Variants in ABCA2 observed in about 807,000 individuals in gnomAD.
ABCA2 encodes ATP-binding cassette sub-family A member 2.
ABCA2 carries 84 observed loss-of-function variants against 262.8 expected under a neutral mutation model. The observed-to-expected ratio is 0.32, with a 90% CI of 0.27 to 0.38. ABCA2 has a LOEUF of 0.38. Ranked by LOEUF, ABCA2 falls within the 10% of genes least tolerant of loss-of-function variation. ABCA2 has a pLI of 1.00. For synonymous variants in ABCA2, 1,696 were observed against 1,502.9 expected (o/e 1.13, Z -2.97); for missense variants, 2,662 against 3,405.9 (o/e 0.78, Z 5.44).
intron 48 of ABCA2, 123 bp from the exon 49 acceptor site, chr9:137,008,087 C>T (rs1055488303): frequency 2.2e-5 from 27 of 1,245,482 alleles, no homozygotes; most frequent in East Asian, 7.5e-5. Flanking sequence ...GGTCTCCCCA[C>T]GAGCTCCCTC....
rs1182436107 is a variant in ABCA2, at chr9:137,015,712, G to A, written c.3477C>T (p.Arg1159=). 1 of 1,610,664 alleles carries A rather than the reference G, an allele frequency of 6.2e-7. No individual in the cohort carries two copies. Among genetic ancestry groups the A allele is most frequent in the African/African-American group, 1.3e-5 (1 of 75,014 alleles). The part of the protein sequence containing the change: ...EPTAGVDPYA[R]RAIWDLILKY... ...TCAGGATGAGGTCCCAGATGGCGCG[G>A]CGCGCGTAGGGGTCCACGCCCGCCG... Residue 1159 remains arginine, a synonymous_variant, in exon 23 of 49, where the codon CGC becomes CGT. Coordinates refer to ENST00000341511, the MANE Select transcript of ABCA2 (RefSeq NM_001606.5).
rs1480475534 is a variant in ABCA2, at chr9:137,015,504, A to G, written c.3607T>C (p.Cys1203Arg). Residue 1203 changes from cysteine to arginine, a missense_variant, in exon 24 of 49, where the codon TGC becomes CGC. Cys to Arg is a radical substitution (Grantham distance 180). Coordinates refer to ENST00000341511, the MANE Select transcript of ABCA2 (RefSeq NM_001606.5). ...AIISHGKLKC[C>R]GSPLFLKGTY... ...CCCTTGAGGAAGAGCGGGGAGCCGCAGCACTTGAGCTTCCCATGGGAGATG... is the reference window on the plus strand; with the variant it reads ...CCCTTGAGGAAGAGCGGGGAGCCGCGGCACTTGAGCTTCCCATGGGAGATG... The G allele has an allele frequency of 6.2e-7, 1 of 1,612,068 alleles. No individual in the cohort carries two copies. The highest frequency in any genetic ancestry group is 8.5e-7 in the Non-Finnish European group (1 of 1,179,710).
In ABCA2 at chr9:137,017,017, C is replaced by T; in HGVS notation, c.2661G>A (p.Glu887=). 2 of 1,612,832 alleles carry T rather than the reference C, an allele frequency of 1.2e-6. No homozygotes were observed. The highest frequency in any genetic ancestry group is 1.1e-5 in the South Asian group (1 of 91,090). The change falls in exon 19 of 49, where the codon GAG becomes GAA. Residue 887 remains glutamate (E), a synonymous_variant. Transcript: ENST00000341511. ...CCAGGAGCAAGTTGAAGTCGTCCCC[C>T]TCCACCGGGGACTGGCTGAAGGTGT... is the stretch of plus-strand genomic sequence containing the variant. ...QWHTFSQSPV[E]GDDFNLLLAV...
In ABCA2 at chr9:137,010,892, C is replaced by A. The variant is rs1588507998; in HGVS notation, c.6056+81G>T. On this transcript the variant is annotated intron_variant, in intron 39 of 48. Coordinates refer to ENST00000341511, the MANE Select transcript of ABCA2 (RefSeq NM_001606.5). ...CCCCCTCCTGCCCCATCCCTGCCCC[C>A]ACCCCCGCCCCTACCCTGCCCCACC... 53 of 640,984 alleles carry A rather than the reference C, an allele frequency of 8.3e-5. No homozygotes were observed. The East Asian group carries it at 1.6e-3, about 19-fold the overall frequency. The allele number at this position is 640,984 out of a possible 1,614,324, so 39.7% of individuals were successfully genotyped here.
Position 137,016,159 on chromosome 9 carries a change from G to T in ABCA2, c.3120C>A (p.Gly1040=). ...CGGAACCCGACGTTGGAGGGAACAG[G>T]CCGGTCAGGATGGACCTGGGTAGGT... The part of the protein sequence containing the change: ...GKTTTMSILT[G]LFPPTSGSAT... Residue 1040 remains glycine (G), a synonymous_variant, in exon 22 of 49, where the codon GGC becomes GGA. Transcript: ENST00000341511. 3 of 1,612,728 alleles carry T rather than the reference G, an allele frequency of 1.9e-6. No individual in the cohort carries two copies. Among genetic ancestry groups the T allele is most frequent in the Non-Finnish European group, 2.5e-6 (3 of 1,179,946 alleles).
intron 26 of ABCA2, 108 bp downstream of exon 26, chr9:137,014,582 A>C (rs978809630): frequency 7.3e-6 from 11 of 1,500,104 alleles, no homozygotes; most frequent in Non-Finnish European, 9.8e-6. Flanking sequence ...CCTGGCTTCC[A>C]CCCAGGACCA....
chr9:137,017,391 C>A (rs763326513), intron 17 of ABCA2, 45 bp from the exon 18 acceptor site: 1 of 1,608,394 alleles, frequency 6.2e-7, no homozygotes, highest in Non-Finnish European at 8.5e-7. Context: ...CCCGCACGCC[C>A]GGCCTCCTGG....
chr9:137,009,971 A>C lies in ABCA2; in HGVS notation c.6495+12T>G. On this transcript the variant is annotated intron_variant, in intron 42 of 48. Transcript: ENST00000341511. ...GCGTGCTGACTCCCTGCCCCGCCCC[A>C]CAGATCCTCACCCGGGCCTCGTCCT... 6.3e-7 allele frequency: 1 copy of C among 1,596,130 alleles called. No individual in the cohort carries two copies. Among genetic ancestry groups the C allele is most frequent in the South Asian group, 1.1e-5 (1 of 89,216 alleles).
intron 1 of ABCA2, 104 bp downstream of exon 1, chr9:137,027,971 G>A: frequency 1.8e-6 from 1 of 547,542 alleles, no homozygotes. Context: ...GCGCCCGCCG[G>A]GGTCTGCGCG....
At chr9:137,025,568 G>A (rs546261108) in intron 1 of ABCA2, among the ~76,000 whole-genome samples, 2 of 152,230 alleles carry the variant, frequency 1.3e-5, no homozygotes, top group Non-Finnish European at 2.9e-5. Flanking sequence ...TGCTGTGGGT[G>A]TCCCATGCCC....
Position 137,021,720 on chromosome 9 carries a change from G to T in ABCA2, c.679-110C>A. On this transcript the variant is annotated intron_variant, in intron 7 of 48. Transcript: ENST00000341511. This position sits in a 1 kb window ranked among gnomAD's most constrained non-coding sequence, Gnocchi z 6.0. ...CACTGGCTGGCTCTGGGGCTGCCTG[G>T]GTCCCACGACATGCCTCTACCCCTC... is the stretch of plus-strand genomic sequence containing the variant. The T allele has an allele frequency of 7.7e-7, 1 of 1,305,794 alleles. No individual in the cohort carries two copies. The highest frequency in any genetic ancestry group is 2.5e-5 in the East Asian group (1 of 39,528). 80.9% of individuals were successfully genotyped at this position (1,305,794 alleles called of 1,614,324 possible). A position where few individuals can be genotyped will look rare whatever the true frequency, so the allele number is the denominator to read the frequency against.
At position 137,011,660 on chromosome 9, in the gene ABCA2, G is replaced by T; in HGVS notation, c.5625C>A (p.Ala1875=). The change falls in exon 36 of 49, where the codon GCC becomes GCA. Residue 1875 remains alanine (A), a synonymous_variant. Transcript: ENST00000341511. This position sits in a 1 kb window ranked among gnomAD's most constrained non-coding sequence, Gnocchi z 8.8. ...CATAGAGCAGGAAGAGGGAGAGGAC[G>T]GCAGGGAAGTTGGTGGGCGACGTGT... The part of the protein sequence containing the change: ...PAYTSPTNFP[A]VLSLFLLYGW... The T allele has an allele frequency of 6.4e-7, 1 of 1,554,472 alleles. No homozygotes were observed. The highest frequency in any genetic ancestry group is 8.7e-7 in the Non-Finnish European group (1 of 1,149,512).
chr9:137,012,276 G>A lies in ABCA2; in HGVS notation c.5288C>T (p.Pro1763Leu), dbSNP rs755892060. 2.1e-5 allele frequency: 29 copies of A among 1,356,474 alleles called. No homozygotes were observed. The highest frequency in any genetic ancestry group is 9.2e-5 in the East Asian group (2 of 21,794). The allele number at this position is 1,356,474 out of a possible 1,614,324, so 84.0% of individuals were successfully genotyped here. A position where few individuals can be genotyped will look rare whatever the true frequency, so the allele number is the denominator to read the frequency against. The change falls in exon 33 of 49, where the codon CCG becomes CTG. Residue 1763 changes from proline to leucine, a missense_variant. Pro to Leu is a moderately conservative substitution (Grantham distance 98). Around this residue, in one of 12 missense-constraint regions of ABCA2, gnomAD observed 602 missense variants for 897.4 expected, o/e 0.67. Coordinates refer to ENST00000341511, the MANE Select transcript of ABCA2 (RefSeq NM_001606.5). ...CTATGTCAGCTCACCGTAAGCCGCC[G>A]GGTTGCCCTTGCTCTTGGGCAGGTT... ...RANLPKSKGN[P>L]AAYGITVTNH...
Position 137,021,002 on chromosome 9 carries a change from C to T in ABCA2, c.957G>A (p.Arg319=). The T allele has an allele frequency of 6.7e-7, 1 of 1,503,694 alleles. No homozygotes were observed. Among genetic ancestry groups the T allele is most frequent in the South Asian group, 1.3e-5 (1 of 77,022 alleles). 93.1% of individuals were successfully genotyped at this position (1,503,694 alleles called of 1,614,324 possible). The change falls in exon 9 of 49, where the codon AGG becomes AGA. Residue 319 remains arginine, a synonymous_variant. Coordinates refer to ENST00000341511, the MANE Select transcript of ABCA2 (RefSeq NM_001606.5). The surrounding 1 kb of genome is among the most constrained non-coding windows in gnomAD (Gnocchi z 6.0). ...DSSPQAPPPR[R]LQALLGDLLD... ...GCAGGTCCCCCAGAAGCGCCTGCAG[C>T]CTCCGTGGGGGTGGCGCCTGTGGCG...
chr9:137,018,371 G>C lies in ABCA2; in HGVS notation c.1820-20C>G. The C allele has an allele frequency of 6.3e-7, 1 of 1,575,976 alleles. No homozygotes were observed. The highest frequency in any genetic ancestry group is 8.6e-7 in the Non-Finnish European group (1 of 1,167,392). ...TCACACCTGGGGCCGGGAGGTTGGG[G>C]CGGGGCCAAGATGCAGGGGCGGGAC... On this transcript the variant is annotated intron_variant, in intron 13 of 48. Transcript: ENST00000341511.
At chr9:137,024,911 G>A (rs950151664) in intron 1 of ABCA2, among the ~76,000 whole-genome samples, 1 of 150,046 alleles carries the variant, frequency 6.7e-6, no homozygotes, top group Admixed American at 6.7e-5. Context: ...CCATTCTCTT[G>A]CCTCAGCCTC....
chr9:137,028,237 C>G lies in ABCA2; in HGVS notation c.-97G>C, dbSNP rs960541611. ...GCCGCGCCGCTGGGCATCGCCCGCG[C>G]GGGGGCGGGGCGCTCGGGCGTCCGG... On this transcript the variant is annotated 5_prime_UTR_variant, in exon 1 of 49. Transcript: ENST00000341511. This position sits in a 1 kb window ranked among gnomAD's most constrained non-coding sequence, Gnocchi z 6.9. The G allele has an allele frequency of 1.0e-6, 1 of 978,794 alleles. No individual in the cohort carries two copies. The highest frequency in any genetic ancestry group is 1.8e-5 in the African/African-American group (1 of 56,346). 60.6% of individuals were successfully genotyped at this position (978,794 alleles called of 1,614,324 possible).
intron 1 of ABCA2, among the ~76,000 whole-genome samples, chr9:137,025,785 G>A (rs1831634698): frequency 6.6e-6 from 1 of 152,208 alleles, no homozygotes; most frequent in Non-Finnish European, 1.5e-5. Context: ...AGGCCCGGCT[G>A]CCTCCCCCAT....
rs879854 is a variant in ABCA2, at chr9:137,017,726, G to A, written c.2212-34C>T. 0.61 allele frequency: 985,369 copies of A among 1,608,218 alleles called. 303,161 individuals carry two copies. The highest frequency in any genetic ancestry group is 0.76 in the East Asian group (34,124 of 44,730). ...GGGCCAGGGGCTTGGGGCAGGCCCC[G>A]GGGAGGACGCCGCCCCTCCCTGCCA... On this transcript the variant is annotated intron_variant, in intron 16 of 48. Transcript: ENST00000341511.
Sources: allele counts gnomAD v4.1 joint callset (sites outside exome capture counted in the v4.1 genomes callset), GRCh38; gene constraint gnomAD v4.1.1; regional missense constraint gnomAD v4.1.1; non-coding constraint Gnocchi (gnomAD v3.1); transcripts MANE v1.5; gene names NCBI Gene and HGNC (gene_info 2026-07-23, HGNC 2026-07-21).